The following TM2D1 variants were observed in gnomAD, a reference collection of about 807,000 sequenced individuals.
TM2D1 encodes the protein TM2 domain containing 1, also known as TM2 domain-containing protein 1.
Under a neutral mutation model 28.4 loss-of-function variants are expected in TM2D1, and 15 were observed. That is an observed-to-expected ratio of 0.53 (90% CI 0.35 to 0.81). The LOEUF (loss-of-function observed/expected upper bound fraction) is 0.81. TM2D1 is among the 40% of genes least tolerant of loss of function. TM2D1 has a pLI of 0.01. For missense variants in TM2D1, 236 were observed against 254.9 expected (o/e 0.93, Z 0.50); for synonymous variants, 93 against 96.2 (o/e 0.97, Z 0.20).
Position 61,713,985 on chromosome 1 carries a change from TC to T in TM2D1, c.239-4549del, listed in dbSNP as rs1481838134. On this transcript the variant is annotated intron_variant, in intron 2 of 6. Coordinates refer to ENST00000606498, the MANE Select transcript of TM2D1 (RefSeq NM_032027.3). ...ATCTCGGCTCACTGCAAGCTCCGCTTCCCGGGTTCACGCCATTCTCCTGCCT... is the reference window on the plus strand; with the variant it reads ...ATCTCGGCTCACTGCAAGCTCCGCTTCCGGGTTCACGCCATTCTCCTGCCT... Among the ~76,000 whole-genome samples, 3 of 146,600 alleles carry T rather than the reference TC, an allele frequency of 2.0e-5. No homozygotes were observed. The East Asian group carries it at 6.1e-4, about 30-fold the overall frequency.
At chr1:61,694,516 C>G (rs1301268175) in intron 5 of TM2D1, 181 bp downstream of exon 5, 1 of 438,400 alleles carries the variant, frequency 2.3e-6, no homozygotes, top group South Asian at 6.3e-5. Context: ...TGGTAGAGCA[C>G]AGTTTGAGAA....
intron 2 of TM2D1, among the ~76,000 whole-genome samples, chr1:61,720,587 A>T (rs1323146926): frequency 6.6e-6 from 1 of 152,038 alleles, no homozygotes; most frequent in East Asian, 1.9e-4. Flanking sequence ...TCTTTTGTAT[A>T]TCACCTATAC....
At chr1:61,699,417 T>C (rs1644386871) in intron 4 of TM2D1, 1 of 152,148 alleles carries the variant, frequency 6.6e-6, no homozygotes, top group Non-Finnish European at 1.5e-5. Context: ...ACTTTTGATA[T>C]CTAAAGGACC....
intron 5 of TM2D1, among the ~76,000 whole-genome samples, chr1:61,693,973 T>C (rs1273085115): frequency 2.1e-4 from 32 of 152,208 alleles, no homozygotes. Context: ...TTTTAAATGT[T>C]TAAGGACAGC....
chr1:61,705,686 G>A (rs1039362141), intron 3 of TM2D1, among the ~76,000 whole-genome samples: 5 of 152,014 alleles, frequency 3.3e-5, no homozygotes, highest in African/African-American at 1.2e-4. Flanking sequence ...GGACTCTAAG[G>A]ACTACAGAAA....
intron 5 of TM2D1, among the ~76,000 whole-genome samples, chr1:61,688,131 C>T (rs1357839896): frequency 6.6e-6 from 1 of 152,158 alleles, no homozygotes; most frequent in Admixed American, 6.5e-5. Context: ...AATATAAACA[C>T]TATTCTTTAA....
At chr1:61,684,706 TCA>T (rs1644271023) in intron 5 of TM2D1, among the ~76,000 whole-genome samples, 1 of 151,930 alleles carries the variant, frequency 6.6e-6, no homozygotes, top group African/African-American at 2.4e-5. Flanking sequence ...AAACAAAAAA[TCA>T]CAGAAAATTT....
chr1:61,682,892 C>CAAAAA (rs66468339), intron 6 of TM2D1, among the ~76,000 whole-genome samples: 2 of 60,604 alleles, frequency 3.3e-5, no homozygotes, highest in Non-Finnish European at 7.2e-5. Flanking sequence ...GACTCTGTCT[C>CAAAAA]AAAAAAAAAA....
intron 2 of TM2D1, among the ~76,000 whole-genome samples, chr1:61,711,560 C>A (rs1388395288): frequency 6.7e-6 from 1 of 149,078 alleles, no homozygotes; most frequent in Admixed American, 6.7e-5. Context: ...ACTGGGAGGT[C>A]AAGGCTGCAG....
intron 3 of TM2D1, among the ~76,000 whole-genome samples, chr1:61,707,025 C>T (rs1644446588): frequency 1.3e-5 from 2 of 152,104 alleles, no homozygotes; most frequent in Non-Finnish European, 2.9e-5. Flanking sequence ...GAGCCCGAGG[C>T]GGGCTGATCG....
intron 5 of TM2D1, among the ~76,000 whole-genome samples, chr1:61,690,496 A>G (rs1644316480): frequency 6.6e-6 from 1 of 151,752 alleles, no homozygotes; most frequent in Non-Finnish European, 1.5e-5. Context: ...AAACAAAACA[A>G]AAAGAAATAA....
At chr1:61,723,113 TA>T (rs1231129895) in intron 2 of TM2D1, among the ~76,000 whole-genome samples, 1 of 152,176 alleles carries the variant, frequency 6.6e-6, no homozygotes, top group East Asian at 1.9e-4. Context: ...CATAAACATG[TA>T]AAAAATCATT....
At position 61,715,040 on chromosome 1, in the gene TM2D1, G is replaced by A. The variant is rs1459455850; in HGVS notation, c.239-5603C>T. Among the ~76,000 whole-genome samples, 5 of 152,104 alleles carry A rather than the reference G, an allele frequency of 3.3e-5. No homozygotes were observed. The East Asian group carries it at 5.8e-4, about 18-fold the overall frequency. ...TAGTGGAAAGAGGTACCATCGTGAC[G>A]GGAAAACCACATTGCAATGATTCAA... is the stretch of plus-strand genomic sequence containing the variant. On this transcript the variant is annotated intron_variant, in intron 2 of 6. Coordinates refer to ENST00000606498, the MANE Select transcript of TM2D1 (RefSeq NM_032027.3).
At chr1:61,691,777 T>C (rs1462335128) in intron 5 of TM2D1, among the ~76,000 whole-genome samples, 1 of 150,238 alleles carries the variant, frequency 6.7e-6, no homozygotes, top group Non-Finnish European at 1.5e-5. Context: ...TAGCCAGGCG[T>C]AGTGGTGTGT....
At chr1:61,710,506 AC>A (rs1644471258) in intron 2 of TM2D1, among the ~76,000 whole-genome samples, 4 of 34,568 alleles carry the variant, frequency 1.2e-4, no homozygotes, top group Non-Finnish European at 2.1e-4. Flanking sequence ...ACACACATAC[AC>A]ACACACACAC....
intron 4 of TM2D1, among the ~76,000 whole-genome samples, chr1:61,696,972 A>T (rs1044718355): frequency 3.3e-5 from 5 of 152,010 alleles, no homozygotes; most frequent in Admixed American, 2.6e-4. Flanking sequence ...TTTTGATTAT[A>T]ATAACTGTAG....
intron 2 of TM2D1, among the ~76,000 whole-genome samples, chr1:61,718,790 C>G (rs1163487670): frequency 6.6e-6 from 1 of 152,076 alleles, no homozygotes; most frequent in Non-Finnish European, 1.5e-5. Context: ...GAGGAACATT[C>G]TATTAAAATA....
rs536974172 is a variant in TM2D1, at chr1:61,700,445, A to AG, written c.439+488dup. Among the ~76,000 whole-genome samples, 9 of 152,302 alleles carry AG rather than the reference A, an allele frequency of 5.9e-5. No individual in the cohort carries two copies. In the South Asian group the frequency reaches 1.7e-3, roughly 28 times the overall value. ...TTACAGCCAGAAGGAAGATATAGAAAGGGGGGCTAAGGGTGATAGAAGTCA... is the reference window on the plus strand; with the variant it reads ...TTACAGCCAGAAGGAAGATATAGAAAGGGGGGGCTAAGGGTGATAGAAGTCA... On this transcript the variant is annotated intron_variant, in intron 4 of 6. Transcript: ENST00000606498.
chr1:61,716,026 C>T (rs1398636383), intron 2 of TM2D1, among the ~76,000 whole-genome samples: 4 of 151,502 alleles, frequency 2.6e-5, no homozygotes, highest in Non-Finnish European at 5.9e-5. Flanking sequence ...AGGATGGTCT[C>T]GATCTCCTGA....
Sources: gnomAD v4.1 joint callset for allele counts (sites outside exome capture counted in the v4.1 genomes callset) on GRCh38, gnomAD v4.1.1 for gene constraint, MANE v1.5 for transcripts, NCBI Gene and HGNC (gene_info 2026-07-23, HGNC 2026-07-21) for gene names.